The following CD5 variants were observed in gnomAD, a reference collection of about 807,000 sequenced individuals.
CD5 encodes T-cell surface glycoprotein CD5.
Under a neutral mutation model 60.3 loss-of-function variants are expected in CD5, and 36 were observed. That is an observed-to-expected ratio of 0.60 (90% CI 0.46 to 0.79). CD5 has a LOEUF of 0.79. Ranked by LOEUF, CD5 falls within the 30% of genes least tolerant of loss-of-function variation. CD5 has a pLI of 0.00. For synonymous variants in CD5, 230 were observed against 257.6 expected (o/e 0.89, Z 1.03); for missense variants, 540 against 630.6 (o/e 0.86, Z 1.54).
chr11:61,124,572 C>T (rs922990558), intron 8 of CD5, among the ~76,000 whole-genome samples: 10 of 152,106 alleles, frequency 6.6e-5, no homozygotes, highest in African/African-American at 9.7e-5. Flanking sequence ...GGAGACATGG[C>T]GCTCTTCCTG....
At chr11:61,117,761 A>G (rs1860986766) in intron 2 of CD5, among the ~76,000 whole-genome samples, 1 of 152,118 alleles carries the variant, frequency 6.6e-6, no homozygotes, top group Admixed American at 6.5e-5. Flanking sequence ...AGCTTCCCAA[A>G]GTGCTGGGAT....
intron 5 of CD5, among the ~76,000 whole-genome samples, chr11:61,119,844 C>A (rs1375003571): frequency 1.3e-5 from 2 of 152,012 alleles, no homozygotes; most frequent in Non-Finnish European, 2.9e-5. Context: ...GAAGGGGAGT[C>A]GGCAGGACTT....
At chr11:61,116,549 A>ACT (rs1860954121) in intron 2 of CD5, among the ~76,000 whole-genome samples, 1 of 109,288 alleles carries the variant, frequency 9.2e-6, no homozygotes, top group Non-Finnish European at 1.9e-5. Context: ...CCACACACAC[A>ACT]CACCACACAC....
chr11:61,124,478 G>C (rs897105894), intron 8 of CD5, among the ~76,000 whole-genome samples: 1 of 152,126 alleles, frequency 6.6e-6, no homozygotes, highest in South Asian at 2.1e-4. Context: ...CCAGTATTAG[G>C]ACATTTTGGT....
chr11:61,102,240 C>T (rs149213410), upstream of CD5, among the ~76,000 whole-genome samples: 658 of 152,342 alleles, frequency 4.3e-3, 4 homozygotes, highest in African/African-American at 0.015. Flanking sequence ...CCACCCCCTG[C>T]AGCCCTGTCC....
In CD5 at chr11:61,118,493, CCAG is replaced by C; in HGVS notation, c.400+15_400+17del. Reference sequence around the variant, plus strand: ...CTGACCTGCTTAGGTGGGTAACTAGCCAGCCACACGGGCACCCTGGGCCTGGGC... The same window carrying C: ...CTGACCTGCTTAGGTGGGTAACTAGCCCACACGGGCACCCTGGGCCTGGGC... On this transcript the variant is annotated intron_variant, in intron 3 of 10. Coordinates refer to ENST00000347785, the MANE Select transcript of CD5 (RefSeq NM_014207.4). The surrounding 1 kb of genome is among the most constrained non-coding windows in gnomAD (Gnocchi z 4.7). 1 of 1,609,530 alleles carries C rather than the reference CCAG, an allele frequency of 6.2e-7. No homozygotes were observed. Among genetic ancestry groups the C allele is most frequent in the Middle Eastern group, 1.7e-4 (1 of 6,044 alleles).
intron 6 of CD5, among the ~76,000 whole-genome samples, chr11:61,122,456 T>C (rs890503013): frequency 1.3e-5 from 2 of 149,782 alleles, no homozygotes; most frequent in African/African-American, 2.5e-5. Flanking sequence ...GTTGGATGGA[T>C]GGATGGATGA....
Position 61,118,074 on chromosome 11 carries a change from C to T in CD5, c.95-101C>T, listed in dbSNP as rs1174595461. ...GGGGCAAGGCAGGCAGCCCACGGGG[C>T]AGGAGGGAGCTCAACTGGGCGTCCT... On this transcript the variant is annotated intron_variant, in intron 2 of 10. Coordinates refer to ENST00000347785, the MANE Select transcript of CD5 (RefSeq NM_014207.4). This position sits in a 1 kb window ranked among gnomAD's most constrained non-coding sequence, Gnocchi z 4.7. The T allele has an allele frequency of 4.8e-6, 6 of 1,250,894 alleles. No homozygotes were observed. The highest frequency in any genetic ancestry group is 5.7e-6 in the Non-Finnish European group (5 of 884,354). The allele number at this position is 1,250,894 out of a possible 1,614,324, so 77.5% of individuals were successfully genotyped here.
chr11:61,096,743 G>C, the CD5 span, among the ~76,000 whole-genome samples: 1 of 152,154 alleles, frequency 6.6e-6, no homozygotes, highest in Non-Finnish European at 1.5e-5. Context: ...TTCTAACCAA[G>C]CCAGGCCAAG....
chr11:61,111,032 A>G (rs530394956), intron 1 of CD5, among the ~76,000 whole-genome samples: 1 of 152,310 alleles, frequency 6.6e-6, no homozygotes, highest in Non-Finnish European at 1.5e-5. Context: ...TTATTAAAGC[A>G]TTTGTTAGAG....
chr11:61,120,896 C>G (rs1476367014), intron 5 of CD5, among the ~76,000 whole-genome samples: 1 of 152,224 alleles, frequency 6.6e-6, no homozygotes, highest in African/African-American at 2.4e-5. Flanking sequence ...GCCTTTGAAG[C>G]TTCTTCTAAA....
rs764235367 is a variant in CD5, at chr11:61,118,957, C to A, written c.443C>A (p.Thr148Asn). 3 of 1,613,750 alleles carry A rather than the reference C, an allele frequency of 1.9e-6. No individual in the cohort carries two copies. The African/African-American group carries it at 4.0e-5, about 22-fold the overall frequency. The stretch of plus-strand genomic sequence containing the variant: ...CCTCCAACGACAAGGCCCCCGCCCA[C>A]CACAACTCCAGAGCCCACAGGTAAG... ...TTPPTTRPPP[T>N]TTPEPTAPPR... Residue 148 changes from threonine to asparagine, a missense_variant, in exon 4 of 11, where the codon ACC (threonine) becomes AAC (asparagine). Physicochemically the swap from Thr to Asn is moderately conservative, Grantham distance 65. Transcript: ENST00000347785. This position sits in a 1 kb window ranked among gnomAD's most constrained non-coding sequence, Gnocchi z 4.7.
At chr11:61,122,290 T>G (rs1285182221) in intron 6 of CD5, among the ~76,000 whole-genome samples, 1,136 of 84,550 alleles carry the variant, frequency 0.013, 22 homozygotes, top group African/African-American at 0.028. Context: ...ATGGATGGAT[T>G]GGTGGGTGGG....
chr11:61,122,055 C>T, intron 6 of CD5, 151 bp downstream of exon 6: 1 of 606,990 alleles, frequency 1.6e-6, no homozygotes, highest in Non-Finnish European at 2.6e-6. Context: ...AATTGGAAGG[C>T]TAGGGAGCAA....
chr11:61,124,203 C>T (rs563924331), intron 8 of CD5, among the ~76,000 whole-genome samples: 3 of 152,098 alleles, frequency 2.0e-5, no homozygotes, highest in South Asian at 2.1e-4. Context: ...TTCTGTCCCT[C>T]GCCCCATCTC....
chr11:61,107,452 C>T (rs957550748), intron 1 of CD5, among the ~76,000 whole-genome samples: 1 of 152,204 alleles, frequency 6.6e-6, no homozygotes, highest in African/African-American at 2.4e-5. Flanking sequence ...ACTCCAGAAG[C>T]TTTCAGATTG....
upstream of CD5, among the ~76,000 whole-genome samples, chr11:61,100,320 C>G (rs535331120): frequency 7.2e-6 from 1 of 139,506 alleles, no homozygotes; most frequent in Non-Finnish European, 1.5e-5. Context: ...CACACACACA[C>G]GACATGGAGA....
intron 8 of CD5, 93 bp downstream of exon 8, chr11:61,124,030 T>C: frequency 1.0e-6 from 1 of 996,860 alleles, no homozygotes. Context: ...AGACGGAGCC[T>C]GTGGCTGCTT....
the CD5 span, among the ~76,000 whole-genome samples, chr11:61,094,166 C>T: frequency 3.3e-5 from 5 of 151,760 alleles, no homozygotes; most frequent in African/African-American, 7.3e-5. Context: ...CCAGCTTGAG[C>T]GACACGGATC....
Sources: allele counts gnomAD v4.1 joint callset (sites outside exome capture counted in the v4.1 genomes callset), GRCh38; gene constraint gnomAD v4.1.1; non-coding constraint Gnocchi (gnomAD v3.1); transcripts MANE v1.5; gene names NCBI Gene and HGNC (gene_info 2026-07-23, HGNC 2026-07-21).